The following MRPL34 variants were observed in gnomAD, a reference collection of about 807,000 sequenced individuals.
The protein encoded by MRPL34 is mitochondrial ribosomal protein L34.
MRPL34 carries 8 observed loss-of-function variants against 6.7 expected under a neutral mutation model. The observed-to-expected ratio is 1.20, with a 90% CI of 0.70 to 2.16. The LOEUF is 2.16. Ranked by LOEUF, MRPL34 falls within the 30% of genes most tolerant of loss-of-function variation. The pLI is 0.00. For synonymous variants in MRPL34, 59 were observed against 55.1 expected (o/e 1.07, Z -0.31); for missense variants, 146 against 125.5 (o/e 1.16, Z -0.78).
intron 1 of MRPL34, among the ~76,000 whole-genome samples, chr19:17,294,037 C>G (rs949086974): frequency 3.3e-5 from 5 of 152,064 alleles, no homozygotes; most frequent in African/African-American, 1.2e-4. Context: ...GGGGACAGTG[C>G]GTAATTGCTA....
intron 1 of MRPL34, among the ~76,000 whole-genome samples, chr19:17,295,690 G>A (rs1473463337): frequency 6.6e-6 from 1 of 152,104 alleles, no homozygotes; most frequent in East Asian, 1.9e-4. Context: ...TTACAGGCAT[G>A]AGCCACTGGG....
chr19:17,304,221 G>A (rs544972416), upstream of MRPL34, among the ~76,000 whole-genome samples: 1 of 152,316 alleles, frequency 6.6e-6, no homozygotes, highest in African/African-American at 2.4e-5. Context: ...CAAGAGGCAG[G>A]CATCCCAGCT....
exon 1 of MRPL34, chr19:17,292,786 T>C: frequency 6.2e-7 from 1 of 1,613,288 alleles, no homozygotes; most frequent in South Asian, 1.1e-5. Flanking sequence ...AGCATCACCA[T>C]GTGGCTGCCC....
chr19:17,298,759 T>TG (rs1457611395), upstream of MRPL34, among the ~76,000 whole-genome samples: 4 of 105,742 alleles, frequency 3.8e-5, no homozygotes, highest in East Asian at 5.0e-4. Flanking sequence ...TTTTTTTTTT[T>TG]GGGCAGAGTC....
At chr19:17,292,686 G>A in exon 1 of MRPL34, 2 of 1,611,840 alleles carry the variant, frequency 1.2e-6, no homozygotes, top group East Asian at 2.2e-5. Context: ...TGGAGGCGCC[G>A]GCAGTGGCTC....
At chr19:17,305,836 G>C (rs1346012557), upstream of MRPL34, 2 of 1,531,508 alleles carry the variant, frequency 1.3e-6, no homozygotes, top group African/African-American at 2.7e-5. Context: ...TCCAGGGCTG[G>C]AGCGGCTCTG....
At chr19:17,300,606 T>C (rs1482169439), upstream of MRPL34, among the ~76,000 whole-genome samples, 1 of 152,036 alleles carries the variant, frequency 6.6e-6, no homozygotes, top group East Asian at 1.9e-4. Context: ...GCCTCCCGAG[T>C]AGCTGGGACT....
intron 1 of MRPL34, among the ~76,000 whole-genome samples, chr19:17,295,090 ATTTT>A (rs779607230): frequency 5.0e-5 from 4 of 80,416 alleles, no homozygotes; most frequent in African/African-American, 1.5e-4. Flanking sequence ...CACCCAGGTA[ATTTT>A]TTTTTTTTTT....
intron 1 of MRPL34, among the ~76,000 whole-genome samples, chr19:17,295,625 C>T (rs772742052): frequency 1.3e-5 from 2 of 152,038 alleles, no homozygotes; most frequent in Non-Finnish European, 2.9e-5. Flanking sequence ...TCAGGCTGGT[C>T]GAGAACTCCT....
rs775849701 is a variant in MRPL34 at position 17,292,720 on chromosome 19, C to A, written c.80C>A (p.Ser27Ter). 114 of 1,613,464 alleles carry A rather than the reference C, an allele frequency of 7.1e-5. No individual in the cohort carries two copies. The highest frequency in any genetic ancestry group is 3.3e-4 in the Middle Eastern group (2 of 6,082). Residue 27 changes from serine to a stop codon, truncating the protein, a stop_gained, in exon 1 of 3, where the codon TCG becomes TAG. Transcript: ENST00000595444. LOFTEE classifies it high-confidence loss of function. ...TCCGGTAGAGCCTTGGGCGAGGGCTCGGGCTCCCAGAGCAGGAATTCGTGG... is the reference window on the plus strand; with the variant it reads ...TCCGGTAGAGCCTTGGGCGAGGGCTAGGGCTCCCAGAGCAGGAATTCGTGG...
chr19:17,293,854 G>A (rs1393255569), intron 1 of MRPL34, among the ~76,000 whole-genome samples: 1 of 151,956 alleles, frequency 6.6e-6, no homozygotes, highest in South Asian at 2.1e-4. Flanking sequence ...CCACCTCGCC[G>A]GGCTAGTATC....
At chr19:17,293,342 C>A (rs1032441322) in intron 1 of MRPL34, among the ~76,000 whole-genome samples, 3 of 151,942 alleles carry the variant, frequency 2.0e-5, no homozygotes, top group Non-Finnish European at 2.9e-5. Flanking sequence ...GGCGATCTGC[C>A]CGCCTCGGTC....
At chr19:17,294,755 C>T (rs749456670) in intron 1 of MRPL34, 3 of 1,614,198 alleles carry the variant, frequency 1.9e-6, no homozygotes, top group East Asian at 2.2e-5. Context: ...AGAAGCTGGG[C>T]TCCAGCGCCG....
chr19:17,305,912 C>A lies in MRPL34; in HGVS notation c.20C>A (p.Ser7Tyr), dbSNP rs754507694. ...GCGGATATGGCTGTCTTGGCTGGATCCCTGTTGGGCCCCACGAGTAGGTCG... is the reference window on the plus strand; with the variant it reads ...GCGGATATGGCTGTCTTGGCTGGATACCTGTTGGGCCCCACGAGTAGGTCG... MAVLAGSLLGPTSRSAA... is the reference protein window; with the variant it reads MAVLAGYLLGPTSRSAA... Residue 7 changes from serine (S) to tyrosine (Y), a missense_variant, in exon 1 of 2, where the codon TCC becomes TAC. Transcript: ENST00000252602. 7 of 1,613,984 alleles carry A rather than the reference C, an allele frequency of 4.3e-6. No individual in the cohort carries two copies. The highest frequency in any genetic ancestry group is 5.9e-6 in the Non-Finnish European group (7 of 1,180,014).
At chr19:17,292,831 T>A in exon 1 of MRPL34, 2 of 1,611,540 alleles carry the variant, frequency 1.2e-6, no homozygotes, top group Non-Finnish European at 1.7e-6. Context: ...AGGAGCAGGA[T>A]CTGCAGAAGA....
upstream of MRPL34, chr19:17,305,677 T>G: frequency 1.7e-6 from 1 of 600,364 alleles, no homozygotes; most frequent in Non-Finnish European, 3.0e-6. Flanking sequence ...GCCGGCTACC[T>G]GTTGGTGTGT....
intron 1 of MRPL34, chr19:17,294,556 T>C (rs758822540): frequency 1.2e-6 from 2 of 1,611,364 alleles, no homozygotes; most frequent in Admixed American, 3.3e-5. Context: ...CCGACTGCCG[T>C]GGGGTGCCCC....
chr19:17,293,106 T>TC (rs1410255785), intron 1 of MRPL34, among the ~76,000 whole-genome samples: 3 of 150,414 alleles, frequency 2.0e-5, no homozygotes, highest in African/African-American at 7.3e-5. Context: ...TTCTTTTTTT[T>TC]TTTTTTTGAG....
upstream of MRPL34, chr19:17,301,191 ACTGCCG>A (rs748998381): frequency 6.2e-6 from 10 of 1,604,478 alleles, no homozygotes; most frequent in South Asian, 8.8e-5. Flanking sequence ...CACCACTGCC[ACTGCCG>A]CTGCCGCTGC....
Sources: gnomAD v4.1 joint callset for allele counts (sites outside exome capture counted in the v4.1 genomes callset) on GRCh38, gnomAD v4.1.1 for gene constraint, MANE v1.5 for transcripts, NCBI Gene and HGNC (gene_info 2026-07-23, HGNC 2026-07-21) for gene names.